Variants in RPH3A observed in about 807,000 individuals in gnomAD.
RPH3A encodes rabphilin 3A.
RPH3A carries 48 observed loss-of-function variants against 102.2 expected under a neutral mutation model. The ratio of observed to expected loss-of-function variants is 0.47; its 90% CI spans 0.37 to 0.60. The LOEUF is 0.60. Ranked by LOEUF, RPH3A falls within the 20% of genes least tolerant of loss-of-function variation. The probability of loss-of-function intolerance (pLI) is 0.00; values close to 1 mark genes in which losing one functional copy is unlikely to be tolerated. For missense variants in RPH3A, 781 were observed against 910.1 expected (o/e 0.86, Z 1.83); for synonymous variants, 310 against 324.3 (o/e 0.96, Z 0.47).
chr12:112,822,896 G>T (rs1298196819), intron 2 of RPH3A, among the ~76,000 whole-genome samples: 1 of 152,208 alleles, frequency 6.6e-6, no homozygotes, highest in African/African-American at 2.4e-5. Context: ...TGCTTCTTTT[G>T]TTACTGAAAG....
At position 112,890,854 on chromosome 12, in the gene RPH3A, G is replaced by A; in HGVS notation, c.1626G>A (p.Val542=). ...RGMALYEEEQ[V]ERVGDIEERG... ...TGCCTTTTCCCCCAATGCAGCAGGT[G>A]GAGCGTGTTGGTGACATCGAGGAGC... The change falls in exon 19 of 22, where the codon GTG becomes GTA. Residue 542 remains valine, a synonymous_variant. Coordinates refer to ENST00000389385, the MANE Select transcript of RPH3A (RefSeq NM_001143854.2). 1 of 1,613,582 alleles carries A rather than the reference G, an allele frequency of 6.2e-7. No individual in the cohort carries two copies.
chr12:112,636,486 T>C (rs1028335703), intron 1 of RPH3A, among the ~76,000 whole-genome samples: 4 of 152,190 alleles, frequency 2.6e-5, no homozygotes, highest in African/African-American at 9.7e-5. Context: ...TTGGTCTTCA[T>C]GATGGCTAGG....
At chr12:112,876,982 ACC>A (rs1209238416) in intron 13 of RPH3A, 116 bp downstream of exon 13, 1 of 603,602 alleles carries the variant, frequency 1.7e-6, no homozygotes, top group African/African-American at 1.9e-5. Context: ...AATATACCAG[ACC>A]TAATAAACAT....
At chr12:112,590,374 C>T (rs1245584578) in intron 1 of RPH3A, among the ~76,000 whole-genome samples, 1 of 152,226 alleles carries the variant, frequency 6.6e-6, no homozygotes, top group African/African-American at 2.4e-5. Flanking sequence ...TCGACTCAAT[C>T]ACCTTTCACC....
chr12:112,714,932 C>T (rs1397767431), intron 1 of RPH3A, among the ~76,000 whole-genome samples: 3 of 152,118 alleles, frequency 2.0e-5, no homozygotes, highest in African/African-American at 7.2e-5. Context: ...TCTAAAATTA[C>T]TTCCCTTTTC....
intron 13 of RPH3A, among the ~76,000 whole-genome samples, chr12:112,878,481 A>G (rs1422912066): frequency 3.3e-5 from 5 of 151,824 alleles, no homozygotes; most frequent in Admixed American, 6.6e-5. Context: ...GATATCATGG[A>G]AAAAAAAAGA....
At chr12:112,875,555 A>G in intron 11 of RPH3A, 124 bp from the exon 12 acceptor site, 2 of 768,480 alleles carry the variant, frequency 2.6e-6, no homozygotes, top group Non-Finnish European at 4.3e-6. Context: ...CTGTTTCTGC[A>G]GCCTCGGGTA....
intron 7 of RPH3A, among the ~76,000 whole-genome samples, chr12:112,867,741 C>A (rs1474081748): frequency 6.6e-6 from 1 of 152,212 alleles, no homozygotes; most frequent in Non-Finnish European, 1.5e-5. Flanking sequence ...ATACCGTAGT[C>A]CCACCCTCCT....
intron 1 of RPH3A, among the ~76,000 whole-genome samples, chr12:112,631,355 TC>T (rs2039803301): frequency 6.6e-6 from 1 of 152,156 alleles, no homozygotes; most frequent in South Asian, 2.1e-4. Context: ...ATTTCTGTTG[TC>T]CTCCTTGGAG....
At chr12:112,841,174 A>AAAAAAAAAAAAAAAAAAAC (rs2042136223) in intron 4 of RPH3A, among the ~76,000 whole-genome samples, 1 of 26,514 alleles carries the variant, frequency 3.8e-5, no homozygotes, top group Non-Finnish European at 8.1e-5. Context: ...CTTGTTTCTT[A>AAAAAAAAAAAAAAAAAAAC]AAAAAAAAAA....
At chr12:112,746,138 T>C (rs558208587) in intron 1 of RPH3A, among the ~76,000 whole-genome samples, 55 of 152,174 alleles carry the variant, frequency 3.6e-4, no homozygotes, top group Non-Finnish European at 6.9e-4. Flanking sequence ...TTTTCCTTCT[T>C]ACCTTCTTTC....
At chr12:112,673,786 A>AT (rs958832915) in intron 1 of RPH3A, among the ~76,000 whole-genome samples, 12 of 150,590 alleles carry the variant, frequency 8.0e-5, no homozygotes, top group African/African-American at 1.7e-4. Flanking sequence ...CATTCTTTCT[A>AT]TTTTTTTTTG....
chr12:112,718,209 C>A (rs1322379101), intron 1 of RPH3A: 1 of 152,190 alleles, frequency 6.6e-6, no homozygotes, highest in Admixed American at 6.5e-5. Flanking sequence ...TGAGAAAGAT[C>A]TGCCTTCAAT....
At chr12:112,890,801 C>T in intron 18 of RPH3A, 48 bp from the exon 19 acceptor site, 2 of 1,592,732 alleles carry the variant, frequency 1.3e-6, no homozygotes, top group Non-Finnish European at 1.7e-6. Flanking sequence ...TTCACATTTC[C>T]TGGCCCCCTC....
chr12:112,873,304 C>T (rs1436576735), intron 10 of RPH3A, among the ~76,000 whole-genome samples: 1 of 152,204 alleles, frequency 6.6e-6, no homozygotes, highest in Non-Finnish European at 1.5e-5. Flanking sequence ...CTAAAACAAT[C>T]TCAAGGTCAC....
chr12:112,841,070 T>C (rs570939341), intron 4 of RPH3A, among the ~76,000 whole-genome samples: 1 of 149,692 alleles, frequency 6.7e-6, no homozygotes, highest in African/African-American at 2.5e-5. Flanking sequence ...AAGCTTGGTG[T>C]GGTGATGCAC....
chr12:112,785,637 T>G (rs1338717107), intron 1 of RPH3A, among the ~76,000 whole-genome samples: 1 of 152,192 alleles, frequency 6.6e-6, no homozygotes, highest in African/African-American at 2.4e-5. Context: ...GTATGTTAGC[T>G]AATGTGATCC....
At chr12:112,744,728 T>A (rs1385747440) in intron 1 of RPH3A, among the ~76,000 whole-genome samples, 1 of 152,076 alleles carries the variant, frequency 6.6e-6, no homozygotes, top group African/African-American at 2.4e-5. Context: ...GTTGACAAGG[T>A]CGCACAGTCA....
chr12:112,881,940 G>A, intron 15 of RPH3A, 94 bp downstream of exon 15: 1 of 926,476 alleles, frequency 1.1e-6, no homozygotes, highest in South Asian at 1.7e-5. Context: ...AGCCTTATCT[G>A]CCCCAAATCC....
Sources: allele counts gnomAD v4.1 joint callset (sites outside exome capture counted in the v4.1 genomes callset), GRCh38; gene constraint gnomAD v4.1.1; transcripts MANE v1.5; gene names NCBI Gene and HGNC (gene_info 2026-07-23, HGNC 2026-07-21).